Variants in CAMTA1 observed in about 807,000 individuals in gnomAD.
CAMTA1 encodes the protein calmodulin binding transcription activator 1, also known as calmodulin-binding transcription activator 1.
CAMTA1 carries 27 observed loss-of-function variants against 170.9 expected under a neutral mutation model. The ratio of observed to expected loss-of-function variants is 0.16; its 90% CI spans 0.12 to 0.22. The LOEUF is 0.22. Among genes scored for constraint, CAMTA1 ranks in the 10% least tolerant of loss-of-function variants. The pLI, the probability that CAMTA1 is intolerant of heterozygous loss-of-function variation, is 1.00. For synonymous variants in CAMTA1, 833 were observed against 891.5 expected (o/e 0.93, Z 1.17); for missense variants, 1,619 against 2,217.2 (o/e 0.73, Z 5.42).
At chr1:7,612,237 G>T (rs1199563500) in intron 6 of CAMTA1, among the ~76,000 whole-genome samples, 1 of 152,220 alleles carries the variant, frequency 6.6e-6, no homozygotes, top group Non-Finnish European at 1.5e-5. Flanking sequence ...GAGTGGTGGA[G>T]GTGGCTCTCA....
chr1:7,127,138 G>A (rs1003582963), intron 4 of CAMTA1, among the ~76,000 whole-genome samples: 47 of 152,166 alleles, frequency 3.1e-4, no homozygotes, highest in African/African-American at 9.2e-4. Flanking sequence ...GCCCGCAGAC[G>A]TGGGGCTAGC....
At chr1:7,515,639 A>G (rs777915260) in intron 6 of CAMTA1, among the ~76,000 whole-genome samples, 4 of 152,100 alleles carry the variant, frequency 2.6e-5, no homozygotes, top group South Asian at 2.1e-4. Context: ...CGGGCAGCTC[A>G]TCTCGGAGCG....
At chr1:7,058,759 A>G (rs931621836) in intron 3 of CAMTA1, among the ~76,000 whole-genome samples, 1 of 152,188 alleles carries the variant, frequency 6.6e-6, no homozygotes, top group African/African-American at 2.4e-5. Context: ...TCCTTAAACT[A>G]GCACATTCTA....
chr1:7,414,459 A>G (rs1025856685), intron 5 of CAMTA1, among the ~76,000 whole-genome samples: 8 of 152,188 alleles, frequency 5.3e-5, no homozygotes, highest in Non-Finnish European at 1.2e-4. Flanking sequence ...CTATTCAGAG[A>G]TTCAACTTCT....
chr1:7,487,130 G>A (rs949723119), intron 6 of CAMTA1, among the ~76,000 whole-genome samples: 23 of 152,146 alleles, frequency 1.5e-4, no homozygotes, highest in Admixed American at 1.3e-3. Context: ...TTTCTGACCC[G>A]CAGCTGGTCT....
chr1:7,607,716 T>A (rs564920181), intron 6 of CAMTA1, among the ~76,000 whole-genome samples: 1 of 152,124 alleles, frequency 6.6e-6, no homozygotes, highest in Non-Finnish European at 1.5e-5. Flanking sequence ...AGTGAATGAA[T>A]GTGTGAATGG....
intron 11 of CAMTA1, among the ~76,000 whole-genome samples, chr1:7,695,608 A>C (rs190914014): frequency 6.6e-6 from 1 of 152,250 alleles, no homozygotes; most frequent in Admixed American, 6.5e-5. Flanking sequence ...AGAGCCAAGC[A>C]GGGGACAGCC....
intron 3 of CAMTA1, among the ~76,000 whole-genome samples, chr1:6,876,582 C>G (rs1669959726): frequency 6.6e-6 from 1 of 152,070 alleles, no homozygotes; most frequent in Non-Finnish European, 1.5e-5. Context: ...AGGCTGGTCT[C>G]GAACTCCTGA....
chr1:7,489,694 C>T lies in CAMTA1; in HGVS notation c.510+21793C>T, dbSNP rs531854099. ...GGTAAATACACACTCGTTAAAGTGGCACGCATCCAGCCTCCCCACCCTCCT... is the reference window on the plus strand; with the variant it reads ...GGTAAATACACACTCGTTAAAGTGGTACGCATCCAGCCTCCCCACCCTCCT... On this transcript the variant is annotated intron_variant, in intron 6 of 22. Coordinates refer to ENST00000303635, the MANE Select transcript of CAMTA1 (RefSeq NM_015215.4). Among the ~76,000 whole-genome samples, 3 of 152,306 alleles carry T rather than the reference C, an allele frequency of 2.0e-5. No homozygotes were observed. The South Asian group carries it at 6.2e-4, about 32-fold the overall frequency.
rs539859041 is a variant in CAMTA1, at chr1:7,320,342, G to A, written c.438+70716G>A. Among the ~76,000 whole-genome samples the A allele has an allele frequency of 3.9e-5, 6 of 152,242 alleles. No individual in the cohort carries two copies. The South Asian group carries it at 8.3e-4, about 21-fold the overall frequency. ...GCAAATGAAGATTGTTATCTGTTCC[G>A]TATGAATGAAAATGTTTTCTGATTG... On this transcript the variant is annotated intron_variant, in intron 5 of 22. Transcript: ENST00000303635.
chr1:7,132,048 TACACACAC>T (rs70984054), intron 4 of CAMTA1, among the ~76,000 whole-genome samples: 9 of 149,732 alleles, frequency 6.0e-5, no homozygotes, highest in Non-Finnish European at 1.0e-4. Context: ...GTGACTCTGT[TACACACAC>T]ACACACACAC....
intron 6 of CAMTA1, among the ~76,000 whole-genome samples, chr1:7,539,172 T>G (rs2094580868): frequency 6.6e-6 from 1 of 152,224 alleles, no homozygotes; most frequent in Non-Finnish European, 1.5e-5. Flanking sequence ...GATGTATGAC[T>G]TTTCTTGAAG....
chr1:7,620,342 G>A (rs941385287), intron 6 of CAMTA1, among the ~76,000 whole-genome samples: 2 of 152,174 alleles, frequency 1.3e-5, no homozygotes, highest in Non-Finnish European at 2.9e-5. Context: ...AGCCCCAAGT[G>A]TCTACAGTTG....
chr1:7,369,332 G>A (rs1281020071), intron 5 of CAMTA1, among the ~76,000 whole-genome samples: 1 of 152,142 alleles, frequency 6.6e-6, no homozygotes, highest in Non-Finnish European at 1.5e-5. Context: ...TTGAACTTGA[G>A]GTGCCCTAAT....
At chr1:7,038,489 A>G (rs1205187388) in intron 3 of CAMTA1, among the ~76,000 whole-genome samples, 1 of 152,246 alleles carries the variant, frequency 6.6e-6, no homozygotes, top group East Asian at 1.9e-4. Context: ...AGAGTTTTGC[A>G]ATGAAACCCA....
At chr1:7,039,192 C>T (rs1331448269) in intron 3 of CAMTA1, among the ~76,000 whole-genome samples, 2 of 152,170 alleles carry the variant, frequency 1.3e-5, no homozygotes, top group African/African-American at 4.8e-5. Flanking sequence ...GTGTGAATTA[C>T]GCCATTTAAT....
At chr1:6,805,976 T>TA (rs1644471470) in intron 1 of CAMTA1, among the ~76,000 whole-genome samples, 1 of 152,208 alleles carries the variant, frequency 6.6e-6, no homozygotes, top group South Asian at 2.1e-4. Flanking sequence ...GTTTTTTTGT[T>TA]AGAGTTCTGT....
At chr1:6,885,968 G>T (rs961737069) in intron 3 of CAMTA1, among the ~76,000 whole-genome samples, 1 of 152,098 alleles carries the variant, frequency 6.6e-6, no homozygotes, top group African/African-American at 2.4e-5. Context: ...CTCTTACCCT[G>T]GGCACTGCTT....
Position 7,665,559 on chromosome 1 carries a change from A to T in CAMTA1, c.2652+360A>T, listed in dbSNP as rs983809812. ...TGAGAACTGGTTTCAACAAAATATT[A>T]AAAAAATAAGCCAGGTGTGGTGGGG... On this transcript the variant is annotated intron_variant, in intron 9 of 22. Coordinates refer to ENST00000303635, the MANE Select transcript of CAMTA1 (RefSeq NM_015215.4). This position sits in a 1 kb window ranked among gnomAD's most constrained non-coding sequence, Gnocchi z 4.3. Among the ~76,000 whole-genome samples the T allele has an allele frequency of 3.9e-5, 6 of 151,980 alleles. No individual in the cohort carries two copies. The highest frequency in any genetic ancestry group is 3.9e-4 in the East Asian group (2 of 5,156).
Sources: gnomAD v4.1 joint callset for allele counts (sites outside exome capture counted in the v4.1 genomes callset) on GRCh38, gnomAD v4.1.1 for gene constraint, Gnocchi (gnomAD v3.1) non-coding constraint, MANE v1.5 for transcripts, NCBI Gene and HGNC (gene_info 2026-07-23, HGNC 2026-07-21) for gene names.